RLN3: variants seen among roughly 807,000 people sequenced by gnomAD.
RLN3 encodes the protein relaxin 3.
RLN3 carries 13 observed loss-of-function variants against 10.2 expected under a neutral mutation model. The observed-to-expected ratio is 1.28, with a 90% CI of 0.83 to 2.03. The LOEUF (loss-of-function observed/expected upper bound fraction) is 2.03. Among genes scored for constraint, RLN3 ranks in the 30% most tolerant of loss-of-function variants. RLN3 has a pLI of 0.00. For synonymous variants in RLN3, 56 were observed against 79.2 expected (o/e 0.71, Z 1.56); for missense variants, 191 against 187.2 (o/e 1.02, Z -0.12).
Position 14,029,848 on chromosome 19 carries a change from G to A in RLN3, c.191-862G>A, listed in dbSNP as rs911340522. On this transcript the variant is annotated intron_variant, in intron 1 of 1. Transcript: ENST00000431365. ...TTATTATTATTATTATTATTTTTGA[G>A]ACAGGGTCTTGCTCTGTTGCCCAGA... is the stretch of plus-strand genomic sequence containing the variant. 1.2e-4 allele frequency among the ~76,000 whole-genome samples: 13 copies of A among 108,738 alleles called. No homozygotes were observed. The East Asian group carries it at 1.6e-3, about 13-fold the overall frequency. 71.3% of individuals were successfully genotyped at this position (108,738 alleles called of 152,430 possible).
chr19:14,028,503 C>T, intron 1 of RLN3, 109 bp downstream of exon 1: 1 of 966,914 alleles, frequency 1.0e-6, no homozygotes, highest in Non-Finnish European at 1.5e-6. Flanking sequence ...GGTCCCTGTC[C>T]TGCCACATTC....
chr19:14,028,605 G>T (rs1402802158), intron 1 of RLN3, among the ~76,000 whole-genome samples: 1 of 151,950 alleles, frequency 6.6e-6, no homozygotes, highest in African/African-American at 2.4e-5. Flanking sequence ...ATCCATGGGG[G>T]CTGGAAGTCT....
In RLN3 at chr19:14,030,744, C is replaced by CA; in HGVS notation, c.226dup (p.Ser76LysfsTer8). 1 of 1,614,218 alleles carries CA rather than the reference C, an allele frequency of 6.2e-7. No homozygotes were observed. The highest frequency in any genetic ancestry group is 2.2e-5 in the East Asian group (1 of 44,888). On this transcript the variant is annotated frameshift_variant, in exon 2 of 2. Coordinates refer to ENST00000431365, the MANE Select transcript of RLN3 (RefSeq NM_080864.4). LOFTEE classifies it low-confidence loss of function (END_TRUNC). ...TCCCGGATGCAGATGCTGATGAAGACAGTCTGGCAGGCGAGCTGGATGAGG... is the reference window on the plus strand; with the variant it reads ...TCCCGGATGCAGATGCTGATGAAGACAAGTCTGGCAGGCGAGCTGGATGAGG...
rs373722226 is a variant in RLN3, at chr19:14,028,216, C to T, written c.12C>T (p.Tyr4=). Residue 4 remains tyrosine, a synonymous_variant, in exon 1 of 2, where the codon TAC becomes TAT. Coordinates refer to ENST00000431365, the MANE Select transcript of RLN3 (RefSeq NM_080864.4). ...CATCTCCGTCCAGCATGGCCAGGTA[C>T]ATGCTGCTGCTGCTCCTGGCGGTAT... MAR[Y]MLLLLLAVWV... 63 of 1,596,826 alleles carry T rather than the reference C, an allele frequency of 3.9e-5. No homozygotes were observed. In the African/African-American group the frequency reaches 7.4e-4, roughly 19 times the overall value.
rs1412945265 is a variant in RLN3 at position 14,028,191 on chromosome 19, C to A, written c.-14C>A. On this transcript the variant is annotated 5_prime_UTR_variant, in exon 1 of 2. Coordinates refer to ENST00000431365, the MANE Select transcript of RLN3 (RefSeq NM_080864.4). Reference sequence around the variant, plus strand: ...CACTGGCCCACTCTCACGTTCAAAGCATCTCCGTCCAGCATGGCCAGGTAC... The same window carrying A: ...CACTGGCCCACTCTCACGTTCAAAGAATCTCCGTCCAGCATGGCCAGGTAC... 4 of 1,550,882 alleles carry A rather than the reference C, an allele frequency of 2.6e-6. No homozygotes were observed. Among genetic ancestry groups the A allele is most frequent in the Non-Finnish European group, 3.5e-6 (4 of 1,147,978 alleles).
rs537822056 is a variant in RLN3 at position 14,031,138 on chromosome 19, C to T, written c.*190C>T. 1.4e-5 allele frequency: 8 copies of T among 578,780 alleles called. No homozygotes were observed. The highest frequency in any genetic ancestry group is 6.4e-5 in the Admixed American group (2 of 31,044). The allele number at this position is 578,780 out of a possible 1,614,324, so 35.9% of individuals were successfully genotyped here. On this transcript the variant is annotated 3_prime_UTR_variant, in exon 2 of 2. Coordinates refer to ENST00000431365, the MANE Select transcript of RLN3 (RefSeq NM_080864.4). ...TATCCAACCCTGCCCTTTGACCAGC[C>T]TATCATGACCCTGGCCCCTAAGGAA...
At chr19:14,030,601 C>G in intron 1 of RLN3, 109 bp from the exon 2 acceptor site, 1 of 994,688 alleles carries the variant, frequency 1.0e-6, no homozygotes, top group South Asian at 1.3e-5. Context: ...AAACTCTGAA[C>G]TATGTCTATG....
chr19:14,028,427 G>T, intron 1 of RLN3, 33 bp downstream of exon 1: 1 of 1,578,202 alleles, frequency 6.3e-7, no homozygotes, highest in South Asian at 1.2e-5. Flanking sequence ...TGTAGAAGGG[G>T]AACAGGTGGC....
In RLN3 at chr19:14,028,292, T is replaced by C. The variant is rs141281562; in HGVS notation, c.88T>C (p.Tyr30His). 6,693 of 1,613,784 alleles carry C rather than the reference T, an allele frequency of 4.1e-3. 22 individuals carry two copies. Among genetic ancestry groups the C allele is most frequent in the Non-Finnish European group, 5.0e-3 (5,953 of 1,179,922 alleles). Reference protein sequence around the residue: ...WPGAEARAAPYGVRLCGREFI... With the variant: ...WPGAEARAAPHGVRLCGREFI... Reference sequence around the variant, plus strand: ...GGGAGCTGAGGCCCGGGCAGCGCCTTACGGGGTCAGGCTTTGCGGCCGAGA... The same window carrying C: ...GGGAGCTGAGGCCCGGGCAGCGCCTCACGGGGTCAGGCTTTGCGGCCGAGA... The change falls in exon 1 of 2, where the codon TAC becomes CAC. Residue 30 changes from tyrosine (Y) to histidine (H), a missense_variant. Physicochemically the swap from Tyr to His is moderately conservative, Grantham distance 83. Coordinates refer to ENST00000431365, the MANE Select transcript of RLN3 (RefSeq NM_080864.4).
At chr19:14,028,486 G>T (rs1975750569) in intron 1 of RLN3, 92 bp downstream of exon 1, 2 of 1,191,592 alleles carry the variant, frequency 1.7e-6, no homozygotes, top group South Asian at 2.9e-5. Context: ...GGTTGCTGGA[G>T]GAGGAGGGTC....
Position 14,030,784 on chromosome 19 carries a change from G to A in RLN3, c.265G>A (p.Glu89Lys), listed in dbSNP as rs764666099. Reference protein sequence around the residue: ...GELDEAMGSSEWLALTKSPQA... With the variant: ...GELDEAMGSSKWLALTKSPQA... ...GCTGGATGAGGCCATGGGGTCCAGC[G>A]AGTGGCTGGCCCTGACCAAGTCACC... The change falls in exon 2 of 2, where the codon GAG (glutamate) becomes AAG (lysine). Residue 89 changes from glutamate (E) to lysine (K), a missense_variant. Transcript: ENST00000431365. 1.2e-5 allele frequency: 20 copies of A among 1,614,086 alleles called. No individual in the cohort carries two copies. The highest frequency in any genetic ancestry group is 1.7e-5 in the Admixed American group (1 of 59,992).
intron 1 of RLN3, 46 bp from the exon 2 acceptor site, chr19:14,030,664 C>G: frequency 6.7e-7 from 1 of 1,491,902 alleles, no homozygotes; most frequent in Non-Finnish European, 9.4e-7. Context: ...ACTGTGGGTG[C>G]AGCAGCAGCT....
chr19:14,031,196 C>A lies in RLN3; in HGVS notation c.*248C>A, dbSNP rs898748359. 2.0e-6 allele frequency: 1 copy of A among 502,154 alleles called. No homozygotes were observed. The highest frequency in any genetic ancestry group is 3.6e-6 in the Non-Finnish European group (1 of 281,658). The allele number at this position is 502,154 out of a possible 1,614,324, so 31.1% of individuals were successfully genotyped here. A position where few individuals can be genotyped will look rare whatever the true frequency, so the allele number is the denominator to read the frequency against. ...CCCTGCCTGGTCAAGTGGGGACCCC[C>A]CCATCCTGACCCCTGACCTCTCCCC... On this transcript the variant is annotated 3_prime_UTR_variant, in exon 2 of 2. Transcript: ENST00000431365.
chr19:14,028,577 G>C (rs998533494), intron 1 of RLN3, among the ~76,000 whole-genome samples, 183 bp downstream of exon 1: 11 of 151,972 alleles, frequency 7.2e-5, no homozygotes, highest in Non-Finnish European at 1.3e-4. Flanking sequence ...GCAGAGCTGG[G>C]ATGGGGTGTT....
intron 1 of RLN3, chr19:14,030,462 C>T (rs550628264): frequency 6.0e-6 from 4 of 666,588 alleles, no homozygotes; most frequent in Admixed American, 2.3e-5. Flanking sequence ...GAGTTTGCGA[C>T]CAGCCTGAAC....
At position 14,031,282 on chromosome 19, in the gene RLN3, T is replaced by G; in HGVS notation, c.*334T>G. The G allele has an allele frequency of 3.6e-6, 1 of 281,316 alleles. No individual in the cohort carries two copies. 17.4% of individuals were successfully genotyped at this position (281,316 alleles called of 1,614,324 possible). A position where few individuals can be genotyped will look rare whatever the true frequency, so the allele number is the denominator to read the frequency against. On this transcript the variant is annotated 3_prime_UTR_variant, in exon 2 of 2. Coordinates refer to ENST00000431365, the MANE Select transcript of RLN3 (RefSeq NM_080864.4). Reference sequence around the variant, plus strand: ...CACTGCCACAACTGGGTCCCTACTCTACCTAGGCTGGCCACACAGAGACCC... The same window carrying G: ...CACTGCCACAACTGGGTCCCTACTCGACCTAGGCTGGCCACACAGAGACCC...
chr19:14,030,581 G>C, intron 1 of RLN3, 129 bp from the exon 2 acceptor site: 2 of 872,976 alleles, frequency 2.3e-6, no homozygotes, highest in Non-Finnish European at 3.9e-6. Context: ...CCCAGGACTG[G>C]GTGGAATAAA....
chr19:14,028,209 C>G lies in RLN3; in HGVS notation c.5C>G (p.Ala2Gly). ...TTCAAAGCATCTCCGTCCAGCATGG[C>G]CAGGTACATGCTGCTGCTGCTCCTG... M[A>G]RYMLLLLLAV... The change falls in exon 1 of 2, where the codon GCC becomes GGC. Residue 2 changes from alanine (A) to glycine (G), a missense_variant. Physicochemically the swap from Ala to Gly is moderately conservative, Grantham distance 60. Transcript: ENST00000431365. 1.3e-6 allele frequency: 2 copies of G among 1,587,924 alleles called. No individual in the cohort carries two copies. The highest frequency in any genetic ancestry group is 8.6e-7 in the Non-Finnish European group (1 of 1,167,688).
At chr19:14,030,596 C>T (rs1975785848) in intron 1 of RLN3, 114 bp from the exon 2 acceptor site, 1 of 978,298 alleles carries the variant, frequency 1.0e-6, no homozygotes. Context: ...AATAAAAACT[C>T]TGAACTATGT....
Sources: gnomAD v4.1 joint callset for allele counts (sites outside exome capture counted in the v4.1 genomes callset) on GRCh38, gnomAD v4.1.1 for gene constraint, MANE v1.5 for transcripts, NCBI Gene and HGNC (gene_info 2026-07-23, HGNC 2026-07-21) for gene names.